CDH20: variants seen among roughly 807,000 people sequenced by gnomAD.
CDH20 encodes cadherin 20.
CDH20 carries 29 observed loss-of-function variants against 74.2 expected under a neutral mutation model. That is an observed-to-expected ratio of 0.39 (90% confidence interval 0.29 to 0.53). The LOEUF (loss-of-function observed/expected upper bound fraction) is 0.53. Ranked by LOEUF, CDH20 falls within the 20% of genes least tolerant of loss-of-function variation. The pLI, the probability that CDH20 is intolerant of heterozygous loss-of-function variation, is 0.69. For synonymous variants in CDH20, 469 were observed against 405.4 expected, an observed-to-expected ratio of 1.16 and a Z score of -1.88; for missense variants, 988 against 1,048.3, an observed-to-expected ratio of 0.94 and a Z score of 0.79.
intron 1 of CDH20, among the ~76,000 whole-genome samples, chr18:61,350,024 C>G (rs1183043761): frequency 6.6e-6 from 1 of 152,110 alleles, no homozygotes; most frequent in Non-Finnish European, 1.5e-5. Flanking sequence ...GTTTAAGTGA[C>G]TTTCCTAGCA....
chr18:61,373,296 T>C (rs1911105700), intron 1 of CDH20, among the ~76,000 whole-genome samples: 1 of 152,234 alleles, frequency 6.6e-6, no homozygotes, highest in South Asian at 2.1e-4. Context: ...TTTGTTGTCT[T>C]GTTTTAATTC....
At chr18:61,365,719 G>T (rs148549066) in intron 1 of CDH20, among the ~76,000 whole-genome samples, 30 of 152,224 alleles carry the variant, frequency 2.0e-4, no homozygotes, top group African/African-American at 6.5e-4. Context: ...TAGGTTTACA[G>T]GTTCCTGGTA....
At chr18:61,359,999 C>T (rs1443661385) in intron 1 of CDH20, among the ~76,000 whole-genome samples, 1 of 152,112 alleles carries the variant, frequency 6.6e-6, no homozygotes, top group Non-Finnish European at 1.5e-5. Context: ...AAGTTGCCGT[C>T]AAATTTAAGT....
At chr18:61,375,677 G>A (rs1911197220) in intron 1 of CDH20, among the ~76,000 whole-genome samples, 1 of 152,014 alleles carries the variant, frequency 6.6e-6, no homozygotes, top group Non-Finnish European at 1.5e-5. Context: ...CAACTCAAGT[G>A]TCACCCATTA....
intron 1 of CDH20, chr18:61,404,960 G>T: frequency 2.8e-6 from 2 of 710,048 alleles, no homozygotes; most frequent in Non-Finnish European, 2.6e-6. Flanking sequence ...CTCATGCTGC[G>T]CCCAGTTCAA....
intron 6 of CDH20, among the ~76,000 whole-genome samples, chr18:61,522,700 C>G (rs1452297636): frequency 1.3e-5 from 2 of 152,172 alleles, no homozygotes; most frequent in Non-Finnish European, 2.9e-5. Context: ...AAGCATGGTA[C>G]TGGTACCAAA....
At chr18:61,425,929 T>C (rs1414430273) in intron 1 of CDH20, among the ~76,000 whole-genome samples, 2 of 152,198 alleles carry the variant, frequency 1.3e-5, no homozygotes, top group Non-Finnish European at 2.9e-5. Flanking sequence ...GAAGACTTAA[T>C]ATTGTTAAGA....
intron 1 of CDH20, among the ~76,000 whole-genome samples, chr18:61,402,750 A>C (rs988104118): frequency 6.6e-6 from 1 of 152,222 alleles, no homozygotes; most frequent in African/African-American, 2.4e-5. Context: ...CAATGAAAAA[A>C]TTGATGTGAA....
chr18:61,492,863 C>T (rs886903503), intron 2 of CDH20, among the ~76,000 whole-genome samples: 6 of 152,164 alleles, frequency 3.9e-5, no homozygotes, highest in Non-Finnish European at 7.4e-5. Context: ...ATCCCCAAGG[C>T]CTAACACAGC....
At chr18:61,540,731 G>A (rs573910087) in intron 9 of CDH20, among the ~76,000 whole-genome samples, 1 of 152,230 alleles carries the variant, frequency 6.6e-6, no homozygotes, top group South Asian at 2.1e-4. Context: ...CACTCCCTGG[G>A]AGTAGTACCT....
intron 1 of CDH20, among the ~76,000 whole-genome samples, chr18:61,424,002 C>CA (rs1912981740): frequency 6.6e-6 from 1 of 152,100 alleles, no homozygotes. Flanking sequence ...CTACGCTCAT[C>CA]AAAAAAATGG....
chr18:61,370,111 C>G (rs915034167), intron 1 of CDH20, among the ~76,000 whole-genome samples: 1 of 152,040 alleles, frequency 6.6e-6, no homozygotes, highest in Non-Finnish European at 1.5e-5. Context: ...CAAGAGTTGT[C>G]CTTTAATTGT....
chr18:61,398,846 T>C (rs1356242199), intron 1 of CDH20, among the ~76,000 whole-genome samples: 1 of 152,146 alleles, frequency 6.6e-6, no homozygotes, highest in Non-Finnish European at 1.5e-5. Context: ...AGAAATGAGT[T>C]AGAAGGATAT....
At chr18:61,524,056 A>G (rs1316986938) in intron 6 of CDH20, among the ~76,000 whole-genome samples, 1 of 148,066 alleles carries the variant, frequency 6.8e-6, no homozygotes, top group Non-Finnish European at 1.5e-5. Flanking sequence ...GATTTAAAGT[A>G]TAATAATAAT....
At chr18:61,334,732 G>A (rs1357804411) in intron 1 of CDH20, among the ~76,000 whole-genome samples, 1 of 152,076 alleles carries the variant, frequency 6.6e-6, no homozygotes, top group Non-Finnish European at 1.5e-5. Context: ...GTTTTGTTTT[G>A]TTTGTTTCTG....
At chr18:61,542,933 G>A (rs1228303035) in intron 9 of CDH20, among the ~76,000 whole-genome samples, 1 of 152,172 alleles carries the variant, frequency 6.6e-6, no homozygotes, top group Non-Finnish European at 1.5e-5. Context: ...AAACATTCAT[G>A]AGGGATCCAC....
chr18:61,538,584 G>GGTTTTTTTTTTTTT (rs1912894295), intron 8 of CDH20, among the ~76,000 whole-genome samples: 1 of 55,846 alleles, frequency 1.8e-5, no homozygotes, highest in African/African-American at 7.4e-5. Context: ...ACTACTTTTT[G>GGTTTTTTTTTTTTT]TTTGTTTGTT....
intron 1 of CDH20, among the ~76,000 whole-genome samples, chr18:61,343,193 T>C (rs1393611013): frequency 1.3e-5 from 2 of 152,208 alleles, no homozygotes; most frequent in Non-Finnish European, 2.9e-5. Flanking sequence ...AAGCCCTGGT[T>C]ACCCTACTGC....
chr18:61,544,709 C>T (rs945282428), intron 9 of CDH20, among the ~76,000 whole-genome samples: 3 of 152,056 alleles, frequency 2.0e-5, no homozygotes, highest in African/African-American at 7.2e-5. Context: ...TGTCTGTGCC[C>T]GCTAAGGTCT....
Sources: allele counts gnomAD v4.1 joint callset (sites outside exome capture counted in the v4.1 genomes callset), GRCh38; gene constraint gnomAD v4.1.1; transcripts MANE v1.5; gene names NCBI Gene and HGNC (gene_info 2026-07-23, HGNC 2026-07-21).